The following CCDC146 variants were observed in gnomAD, a reference collection of about 807,000 sequenced individuals.
The protein encoded by CCDC146 is coiled-coil domain containing 146.
A neutral mutation model predicts 119.3 loss-of-function variants in CCDC146; 92 were observed. The observed-to-expected ratio is 0.77, with a 90% CI of 0.65 to 0.92. CCDC146 has a LOEUF of 0.92. Ranked by LOEUF, CCDC146 falls within the 40% of genes least tolerant of loss-of-function variation. The pLI, the probability that CCDC146 is intolerant of heterozygous loss-of-function variation, is 0.00. For synonymous variants in CCDC146, 372 were observed against 371.8 expected (o/e 1.00, Z -0.01); for missense variants, 1,000 against 1,103.0 (o/e 0.91, Z 1.32).
intron 1 of CCDC146, among the ~76,000 whole-genome samples, chr7:77,150,950 A>G (rs1791101619): frequency 6.6e-6 from 1 of 152,230 alleles, no homozygotes; most frequent in Non-Finnish European, 1.5e-5. Flanking sequence ...TACAAGCCAG[A>G]CACATCTATA....
intron 11 of CCDC146, among the ~76,000 whole-genome samples, chr7:77,277,058 C>A (rs180787414): frequency 6.6e-6 from 1 of 151,356 alleles, no homozygotes; most frequent in African/African-American, 2.4e-5. Flanking sequence ...GGTGACAGAG[C>A]GAGACTCTGT....
At chr7:77,127,830 A>G (rs192819753) in intron 1 of CCDC146, among the ~76,000 whole-genome samples, 27 of 152,162 alleles carry the variant, frequency 1.8e-4, no homozygotes, top group Admixed American at 1.0e-3. Context: ...AACTGTGTTT[A>G]TATGATTTAT....
chr7:77,210,644 G>C (rs1023229333), intron 2 of CCDC146, among the ~76,000 whole-genome samples: 1 of 152,116 alleles, frequency 6.6e-6, no homozygotes, highest in Non-Finnish European at 1.5e-5. Context: ...CCAATTTTCT[G>C]TATTAGTCCA....
chr7:77,184,904 C>A (rs908483836), intron 2 of CCDC146, among the ~76,000 whole-genome samples: 5 of 152,108 alleles, frequency 3.3e-5, no homozygotes, highest in Non-Finnish European at 5.9e-5. Context: ...AGCTGAGATA[C>A]AACTGGAATC....
In CCDC146 at chr7:77,145,375, G is replaced by C. The variant is rs552396865; in HGVS notation, c.-11-22283G>C. The stretch of plus-strand genomic sequence containing the variant: ...GATCTTTTCAAAAAACCAGCTCCTG[G>C]ATTCATTGATTTTTTGAAGGGTTTT... On this transcript the variant is annotated intron_variant, in intron 1 of 18. Coordinates refer to ENST00000285871, the MANE Select transcript of CCDC146 (RefSeq NM_020879.3). 9.2e-3 allele frequency among the ~76,000 whole-genome samples: 1,392 copies of C among 151,796 alleles called. 31 individuals are homozygous for C. Among genetic ancestry groups the C allele is most frequent in the African/African-American group, 0.019 (791 of 41,156 alleles).
At chr7:77,227,261 C>T (rs116081860) in intron 2 of CCDC146, among the ~76,000 whole-genome samples, 1 of 152,166 alleles carries the variant, frequency 6.6e-6, no homozygotes, top group Non-Finnish European at 1.5e-5. Context: ...AACTAGCCAA[C>T]ATGTATCCTT....
At chr7:77,241,042 G>A (rs1271421780) in intron 3 of CCDC146, among the ~76,000 whole-genome samples, 2 of 65,952 alleles carry the variant, frequency 3.0e-5, no homozygotes, top group Non-Finnish European at 7.3e-5. Context: ...TCACTCTGTC[G>A]CCCAGGCGGG....
At chr7:77,198,675 T>G (rs1224943340) in intron 2 of CCDC146, 1 of 155,506 alleles carries the variant, frequency 6.4e-6, no homozygotes, top group Non-Finnish European at 1.4e-5. Context: ...ACTGCTTTTA[T>G]TCCATCTGTA....
At chr7:77,230,460 T>C (rs1164367823) in intron 2 of CCDC146, among the ~76,000 whole-genome samples, 1 of 151,638 alleles carries the variant, frequency 6.6e-6, no homozygotes, top group Non-Finnish European at 1.5e-5. Context: ...TTGAAAGATA[T>C]TTTTGATGGA....
intron 2 of CCDC146, among the ~76,000 whole-genome samples, chr7:77,230,514 G>GTA (rs1485970153): frequency 6.6e-6 from 1 of 151,948 alleles, no homozygotes; most frequent in African/African-American, 2.4e-5. Context: ...GTGTGTGTGT[G>GTA]TGTGTCTGTT....
At chr7:77,275,797 C>A (rs1476575464) in intron 11 of CCDC146, among the ~76,000 whole-genome samples, 1 of 152,166 alleles carries the variant, frequency 6.6e-6, no homozygotes, top group African/African-American at 2.4e-5. Flanking sequence ...GCACTCCTGT[C>A]ATGCAAGCTA....
At position 77,196,860 on chromosome 7, in the gene CCDC146, T is replaced by G; in HGVS notation, c.156+29036T>G. ...TGCAGCACTGTCCAGCCTCCCCCCA[T>G]GGTCTCCATGTCACAGTAAACTTCA... is the stretch of plus-strand genomic sequence containing the variant. On this transcript the variant is annotated intron_variant, in intron 2 of 18. Transcript: ENST00000285871. The surrounding 1 kb of genome is among the most constrained non-coding windows in gnomAD (Gnocchi z 4.2). The G allele has an allele frequency of 6.2e-7, 1 of 1,614,010 alleles. No homozygotes were observed. Among genetic ancestry groups the G allele is most frequent in the Non-Finnish European group, 8.5e-7 (1 of 1,179,978 alleles).
At chr7:77,185,247 A>C (rs1791648344) in intron 2 of CCDC146, among the ~76,000 whole-genome samples, 1 of 152,218 alleles carries the variant, frequency 6.6e-6, no homozygotes, top group Non-Finnish European at 1.5e-5. Context: ...ATCAGTATGC[A>C]GAAACAAGAA....
intron 2 of CCDC146, among the ~76,000 whole-genome samples, chr7:77,209,655 C>T (rs1313092963): frequency 1.3e-5 from 2 of 152,216 alleles, no homozygotes; most frequent in East Asian, 3.9e-4. Context: ...AGAGGTTCTC[C>T]ATGAGGGCTC....
rs1382562297 is a variant in CCDC146 at position 77,287,513 on chromosome 7, T to C, written c.2351T>C (p.Leu784Pro). 3.1e-6 allele frequency: 5 copies of C among 1,614,098 alleles called. No homozygotes were observed. The East Asian group carries it at 1.1e-4, about 36-fold the overall frequency. Reference sequence around the variant, plus strand: ...TTCATCTATGAGCAGGTCTCCAGGCTCACAGACAGGCTCTGCAGCAAAACT... The same window carrying C: ...TTCATCTATGAGCAGGTCTCCAGGCCCACAGACAGGCTCTGCAGCAAAACT... The part of the protein sequence containing the change: ...KDFIYEQVSR[L>P]TDRLCSKTQG... The change falls in exon 17 of 19, where the codon CTC becomes CCC. Residue 784 changes from leucine to proline, a missense_variant. Physicochemically the swap from Leu to Pro is moderately conservative, Grantham distance 98. Around this residue, in one of 2 missense-constraint regions of CCDC146, gnomAD observed 985 missense variants for 1,045.3 expected, o/e 0.94. Coordinates refer to ENST00000285871, the MANE Select transcript of CCDC146 (RefSeq NM_020879.3).
At chr7:77,149,639 A>T (rs919356544) in intron 1 of CCDC146, among the ~76,000 whole-genome samples, 6 of 151,834 alleles carry the variant, frequency 4.0e-5, no homozygotes, top group African/African-American at 1.2e-4. Flanking sequence ...GGTGGTGGGC[A>T]CCTGTAATCC....
At chr7:77,192,535 T>G (rs1031975203) in intron 2 of CCDC146, among the ~76,000 whole-genome samples, 4 of 152,228 alleles carry the variant, frequency 2.6e-5, no homozygotes, top group Non-Finnish European at 5.9e-5. Context: ...GTAGTTTGTT[T>G]GTGTACAACA....
chr7:77,175,428 G>A (rs1791486043), intron 2 of CCDC146, among the ~76,000 whole-genome samples: 1 of 149,586 alleles, frequency 6.7e-6, no homozygotes, highest in Admixed American at 6.6e-5. Flanking sequence ...GAAACACCGA[G>A]GAAGTAAAAC....
At chr7:77,278,678 A>C in intron 11 of CCDC146, 74 bp from the exon 12 acceptor site, 1 of 1,025,636 alleles carries the variant, frequency 9.8e-7, no homozygotes, top group Non-Finnish European at 1.5e-6. Context: ...TCTTTAATGG[A>C]AGGGAATGAT....
Sources: allele counts gnomAD v4.1 joint callset (sites outside exome capture counted in the v4.1 genomes callset), GRCh38; gene constraint gnomAD v4.1.1; regional missense constraint gnomAD v4.1.1; non-coding constraint Gnocchi (gnomAD v3.1); transcripts MANE v1.5; gene names NCBI Gene and HGNC (gene_info 2026-07-23, HGNC 2026-07-21).